SYNE1: variants seen among roughly 807,000 people sequenced by gnomAD.
The protein encoded by SYNE1 is nesprin-1.
Under a neutral mutation model 1,111.0 loss-of-function variants are expected in SYNE1, and 616 were observed. The ratio of observed to expected loss-of-function variants is 0.55; its 90% CI spans 0.52 to 0.59. The LOEUF (loss-of-function observed/expected upper bound fraction) is 0.59, where lower values mean the gene tolerates loss of function less well. Ranked by LOEUF, SYNE1 falls within the 20% of genes least tolerant of loss-of-function variation. The pLI is 0.00. For synonymous variants in SYNE1, 3,855 were observed against 3,825.8 expected, an observed-to-expected ratio of 1.01 and a Z score of -0.28; for missense variants, 10,006 against 10,417.0, an observed-to-expected ratio of 0.96 and a Z score of 1.72.
rs1057423185 is a variant in SYNE1, at chr6:152,407,077, C to T, written c.6660G>A (p.Met2220Ile). Reference protein sequence around the residue: ...EGWSNNCVPQMAENISNLDNH... With the variant: ...EGWSNNCVPQIAENISNLDNH... ...TATCCAGGTTGCTGATGTTTTCTGC[C>T]ATCTGTGGAACGCAGTTGTTTGACC... The change falls in exon 45 of 146, where the codon ATG (methionine) becomes ATA (isoleucine). Residue 2220 changes from methionine to isoleucine, a missense_variant. Coordinates refer to ENST00000367255, the MANE Select transcript of SYNE1 (RefSeq NM_182961.4). 1 of 1,613,736 alleles carries T rather than the reference C, an allele frequency of 6.2e-7. No homozygotes were observed. The highest frequency in any genetic ancestry group is 8.5e-7 in the Non-Finnish European group (1 of 1,179,948).
intron 3 of SYNE1, among the ~76,000 whole-genome samples, chr6:152,602,205 G>A (rs1025910917): frequency 2.0e-5 from 3 of 152,144 alleles, no homozygotes; most frequent in Admixed American, 1.3e-4. Context: ...ACTTCAGAAT[G>A]TGACCTTATT....
intron 75 of SYNE1, among the ~76,000 whole-genome samples, chr6:152,337,656 T>G (rs991957444): frequency 6.6e-6 from 1 of 152,236 alleles, no homozygotes; most frequent in African/African-American, 2.4e-5. Context: ...CATTGGGCAT[T>G]TCAGTAGATT....
At position 152,174,842 on chromosome 6, in the gene SYNE1, A is replaced by G. The variant is rs191436909; in HGVS notation, c.23627+1552T>C. Among the ~76,000 whole-genome samples, 16 of 152,380 alleles carry G rather than the reference A, an allele frequency of 1.1e-4. No homozygotes were observed. The East Asian group carries it at 2.9e-3, about 28-fold the overall frequency. On this transcript the variant is annotated intron_variant, in intron 130 of 145. Transcript: ENST00000367255. ...TGCCTATGAAACCCGTAGCATGGTC[A>G]TTGGAATCAGCAAAGTGTTCAATAA...
intron 40 of SYNE1, among the ~76,000 whole-genome samples, chr6:152,419,241 A>G (rs2154186229): frequency 6.6e-6 from 1 of 152,330 alleles, no homozygotes; most frequent in Admixed American, 6.5e-5. Flanking sequence ...TGAATTCAGT[A>G]TTAGTTTTCA....
chr6:152,334,084 T>C lies in SYNE1; in HGVS notation c.12718A>G (p.Arg4240Gly), dbSNP rs750535829. ...LQREEDLQRT[R>G]DYHDCMNVVE... ...ACATTCATACAGTCATGGTAATCTCTTGTTCTCTGAAGATCCTCTTCCCTT... is the reference window on the plus strand; with the variant it reads ...ACATTCATACAGTCATGGTAATCTCCTGTTCTCTGAAGATCCTCTTCCCTT... Residue 4240 changes from arginine to glycine, a missense_variant, in exon 77 of 146, where the codon AGA (arginine) becomes GGA (glycine). Coordinates refer to ENST00000367255, the MANE Select transcript of SYNE1 (RefSeq NM_182961.4). The C allele has an allele frequency of 1.2e-6, 2 of 1,613,772 alleles. No individual in the cohort carries two copies. Among genetic ancestry groups the C allele is most frequent in the Non-Finnish European group, 1.7e-6 (2 of 1,179,642 alleles).
intron 3 of SYNE1, among the ~76,000 whole-genome samples, chr6:152,571,742 G>A (rs1157821334): frequency 1.3e-5 from 2 of 152,164 alleles, no homozygotes; most frequent in African/African-American, 2.4e-5. Flanking sequence ...TTACTGTGAC[G>A]AAAGAGGCAT....
At chr6:152,557,180 A>T (rs1286380303) in intron 3 of SYNE1, among the ~76,000 whole-genome samples, 1 of 152,122 alleles carries the variant, frequency 6.6e-6, no homozygotes, top group Non-Finnish European at 1.5e-5. Context: ...AAAATTGCAT[A>T]GACAGCTTCG....
At position 152,368,983 on chromosome 6, in the gene SYNE1, T is replaced by C. The variant is rs778628089; in HGVS notation, c.9796A>G (p.Asn3266Asp). ...QLSSQYLALSNLTKEKVSRLD... is the reference protein window; with the variant it reads ...QLSSQYLALSDLTKEKVSRLD... ...GTGCCAGGCGTTACCTTTGTTAAAT[T>C]GCTTAGCGCTAGATACTGAGAAGAC... Residue 3266 changes from asparagine (N) to aspartate (D), a missense_variant, in exon 61 of 146, where the codon AAT (asparagine) becomes GAT (aspartate). Coordinates refer to ENST00000367255, the MANE Select transcript of SYNE1 (RefSeq NM_182961.4). The C allele has an allele frequency of 1.9e-6, 3 of 1,614,078 alleles. No homozygotes were observed. Among genetic ancestry groups the C allele is most frequent in the East Asian group, 2.2e-5 (1 of 44,898 alleles).
intron 32 of SYNE1, among the ~76,000 whole-genome samples, chr6:152,437,285 A>G (rs1051294291): frequency 1.1e-4 from 16 of 152,252 alleles, no homozygotes; most frequent in African/African-American, 3.9e-4. Context: ...GAAAGAGAAT[A>G]TAAGTTTTGA....
chr6:152,398,223 C>A (rs375819087), intron 49 of SYNE1, among the ~76,000 whole-genome samples: 2 of 152,218 alleles, frequency 1.3e-5, no homozygotes, highest in East Asian at 3.9e-4. Flanking sequence ...GTTTGAATAT[C>A]TCCTATCTCT....
At chr6:152,515,014 G>T (rs946815923) in intron 6 of SYNE1, among the ~76,000 whole-genome samples, 1 of 152,126 alleles carries the variant, frequency 6.6e-6, no homozygotes, top group African/African-American at 2.4e-5. Flanking sequence ...TTGAGGTCGG[G>T]AGTTCGAGAC....
At chr6:152,595,404 AT>A (rs1164880120) in intron 3 of SYNE1, among the ~76,000 whole-genome samples, 2 of 152,112 alleles carry the variant, frequency 1.3e-5, no homozygotes, top group Non-Finnish European at 2.9e-5. Context: ...TATGTTTGTT[AT>A]TTACTCAGCC....
At chr6:152,576,332 C>G (rs2099496407) in intron 3 of SYNE1, among the ~76,000 whole-genome samples, 1 of 152,162 alleles carries the variant, frequency 6.6e-6, no homozygotes, top group South Asian at 2.1e-4. Context: ...GTTTTTGAGT[C>G]CTACTATGCA....
At chr6:152,140,418 A>T (rs1432033330) in intron 139 of SYNE1, among the ~76,000 whole-genome samples, 1 of 152,214 alleles carries the variant, frequency 6.6e-6, no homozygotes, top group Non-Finnish European at 1.5e-5. Context: ...AGCTTTACGA[A>T]GTAATAAGCA....
chr6:152,366,720 C>G (rs1472441809), intron 62 of SYNE1, among the ~76,000 whole-genome samples: 1 of 152,154 alleles, frequency 6.6e-6, no homozygotes, highest in African/African-American at 2.4e-5. Flanking sequence ...TGTTATTCAC[C>G]TTTGATTCCT....
At chr6:152,432,328 A>ATG (rs1592584274) in intron 34 of SYNE1, among the ~76,000 whole-genome samples, 1 of 152,136 alleles carries the variant, frequency 6.6e-6, no homozygotes, top group East Asian at 1.9e-4. Context: ...CTTTCCTATA[A>ATG]TGTAGTCTTA....
At chr6:152,131,993 G>A (rs769932477) in intron 144 of SYNE1, 129 bp downstream of exon 144, 57 of 769,056 alleles carry the variant, frequency 7.4e-5, no homozygotes, top group East Asian at 1.5e-4. Context: ...CTGAGGAAGC[G>A]CGCTACCCTG....
Position 152,329,739 on chromosome 6 carries a change from G to T in SYNE1, c.14946C>A (p.Arg4982=), listed in dbSNP as rs753365053. The T allele has an allele frequency of 1.9e-6, 3 of 1,614,172 alleles. No homozygotes were observed. Among genetic ancestry groups the T allele is most frequent in the Non-Finnish European group, 1.7e-6 (2 of 1,180,038 alleles). ...GTCCTATTATACCCACCTGTCTGGTGCGTAAGGCTTCCTGGATGTCTCCAT... is the reference window on the plus strand; with the variant it reads ...GTCCTATTATACCCACCTGTCTGGTTCGTAAGGCTTCCTGGATGTCTCCAT... ...ELDGDIQEAL[R]TRQATLTEIY... Residue 4982 remains arginine, a synonymous_variant, in exon 78 of 146, where the codon CGC becomes CGA. Transcript: ENST00000367255.
At chr6:152,334,373 C>T in intron 76 of SYNE1, 100 bp from the exon 77 acceptor site, 2 of 1,330,308 alleles carry the variant, frequency 1.5e-6, no homozygotes, top group South Asian at 2.7e-5. Flanking sequence ...ACTCTAAGTT[C>T]CTTAATATGA....
Sources: gnomAD v4.1 joint callset for allele counts (sites outside exome capture counted in the v4.1 genomes callset) on GRCh38, gnomAD v4.1.1 for gene constraint, MANE v1.5 for transcripts, NCBI Gene and HGNC (gene_info 2026-07-23, HGNC 2026-07-21) for gene names.